Variants in FOLH1 observed in about 807,000 individuals in gnomAD.
FOLH1 encodes the protein glutamate carboxypeptidase 2.
Under a neutral mutation model 93.9 loss-of-function variants are expected in FOLH1, and 54 were observed. That is an observed-to-expected ratio of 0.57 (90% confidence interval 0.46 to 0.72). The LOEUF (loss-of-function observed/expected upper bound fraction) is 0.72. Among genes scored for constraint, FOLH1 ranks in the 30% least tolerant of loss-of-function variants. FOLH1 has a pLI of 0.00. For missense variants in FOLH1, 571 were observed against 892.5 expected, an observed-to-expected ratio of 0.64 and a Z score of 4.59; for synonymous variants, 249 against 303.6, an observed-to-expected ratio of 0.82 and a Z score of 1.87.
At chr11:49,186,166 C>T in intron 5 of FOLH1, 1 of 289,100 alleles carries the variant, frequency 3.5e-6, no homozygotes, top group Non-Finnish European at 5.9e-6. Flanking sequence ...ATTTGTTCTA[C>T]AGTCGAAAGG....
At chr11:49,151,188 A>G (rs1856473269) in intron 17 of FOLH1, among the ~76,000 whole-genome samples, 1 of 152,224 alleles carries the variant, frequency 6.6e-6, no homozygotes, top group Non-Finnish European at 1.5e-5. Context: ...GATTTGAGCT[A>G]TTTTTAACAT....
intron 7 of FOLH1, among the ~76,000 whole-genome samples, chr11:49,182,743 C>G (rs1485453749): frequency 6.6e-6 from 1 of 152,112 alleles, no homozygotes; most frequent in African/African-American, 2.4e-5. Context: ...ATCAAGGAGT[C>G]CCTGGGCCAA....
chr11:49,191,328 C>T (rs1374974352), intron 4 of FOLH1, among the ~76,000 whole-genome samples: 1 of 152,150 alleles, frequency 6.6e-6, no homozygotes, highest in Non-Finnish European at 1.5e-5. Context: ...ACGTTTTAAA[C>T]ACACATATGG....
At chr11:49,149,326 T>C (rs1229318310) in intron 17 of FOLH1, among the ~76,000 whole-genome samples, 1 of 152,162 alleles carries the variant, frequency 6.6e-6, no homozygotes, top group Non-Finnish European at 1.5e-5. Context: ...TCTTGGAGCC[T>C]GATATGACTT....
chr11:49,170,550 C>T (rs781620717), intron 11 of FOLH1, among the ~76,000 whole-genome samples: 8 of 152,118 alleles, frequency 5.3e-5, no homozygotes, highest in South Asian at 2.1e-4. Context: ...GGGATGCTGA[C>T]GCTTCAGTGA....
chr11:49,185,887 T>C, intron 5 of FOLH1, 32 bp from the exon 6 acceptor site: 1 of 1,505,246 alleles, frequency 6.6e-7, no homozygotes, highest in Non-Finnish European at 8.8e-7. Context: ...TTTCCTTATT[T>C]TAAATTGGTT....
chr11:49,154,113 A>T, intron 16 of FOLH1, 115 bp downstream of exon 16: 1 of 1,466,240 alleles, frequency 6.8e-7, no homozygotes, highest in South Asian at 1.4e-5. Flanking sequence ...CATAAACAGA[A>T]TATTGGATCA....
chr11:49,177,021 T>C (rs558550566), intron 7 of FOLH1, among the ~76,000 whole-genome samples: 63 of 152,384 alleles, frequency 4.1e-4, no homozygotes, highest in African/African-American at 1.5e-3. Context: ...TGTCATGTCC[T>C]GTTTTCTTCT....
intron 13 of FOLH1, among the ~76,000 whole-genome samples, chr11:49,160,779 T>C (rs1857610520): frequency 1.3e-5 from 2 of 152,192 alleles, no homozygotes; most frequent in Admixed American, 1.3e-4. Flanking sequence ...TTTAGTGCTA[T>C]AAATTTCCCT....
chr11:49,146,711 G>A lies in FOLH1; in HGVS notation c.*45C>T. 1 of 1,540,156 alleles carries A rather than the reference G, an allele frequency of 6.5e-7. No homozygotes were observed. On this transcript the variant is annotated 3_prime_UTR_variant, in exon 19 of 19. Coordinates refer to ENST00000256999, the MANE Select transcript of FOLH1 (RefSeq NM_004476.3). ...ATATACCCATTACGATTCTTTCTGAGTGACATACCACACAAATTCAATACG... is the reference window on the plus strand; with the variant it reads ...ATATACCCATTACGATTCTTTCTGAATGACATACCACACAAATTCAATACG...
At chr11:49,206,868 T>C in intron 1 of FOLH1, 1 of 1,359,236 alleles carries the variant, frequency 7.4e-7, no homozygotes, top group South Asian at 1.3e-5. Context: ...TGCAGTTGGC[T>C]TTTAACCTGA....
intron 15 of FOLH1, among the ~76,000 whole-genome samples, chr11:49,155,044 G>A (rs1856864274): frequency 6.6e-6 from 1 of 151,990 alleles, no homozygotes. Flanking sequence ...CAGGTGTCAG[G>A]AAAACCAAAA....
intron 12 of FOLH1, among the ~76,000 whole-genome samples, chr11:49,167,042 A>G (rs995246832): frequency 2.3e-4 from 25 of 109,752 alleles, no homozygotes; most frequent in African/African-American, 6.2e-4. Flanking sequence ...AACAACAACA[A>G]CAACAAAAAA....
chr11:49,203,798 T>C (rs1863529004), intron 2 of FOLH1, among the ~76,000 whole-genome samples: 1 of 152,186 alleles, frequency 6.6e-6, no homozygotes, highest in South Asian at 2.1e-4. Flanking sequence ...TACAAGTAGT[T>C]AGACAGGAGC....
At chr11:49,149,115 G>T (rs1365787825) in intron 17 of FOLH1, among the ~76,000 whole-genome samples, 1 of 151,994 alleles carries the variant, frequency 6.6e-6, no homozygotes, top group Non-Finnish European at 1.5e-5. Flanking sequence ...CTGTCGTGGG[G>T]TGGGGTGAGG....
At chr11:49,154,567 G>A in intron 15 of FOLH1, 75 bp from the exon 16 acceptor site, 3 of 1,547,818 alleles carry the variant, frequency 1.9e-6, no homozygotes, top group East Asian at 2.3e-5. Flanking sequence ...TTTACTATTA[G>A]TATTAGTAAG....
At chr11:49,179,632 T>C (rs930164720) in intron 7 of FOLH1, among the ~76,000 whole-genome samples, 25 of 152,154 alleles carry the variant, frequency 1.6e-4, no homozygotes, top group Admixed American at 6.5e-5. Flanking sequence ...TACATAGCTG[T>C]AAACACCTAT....
chr11:49,203,977 G>C (rs1333688993), intron 2 of FOLH1, among the ~76,000 whole-genome samples: 2 of 152,178 alleles, frequency 1.3e-5, no homozygotes, highest in East Asian at 3.9e-4. Context: ...AGACTCCAGG[G>C]AGAAGCAACT....
At chr11:49,191,254 C>T (rs1862000955) in intron 4 of FOLH1, among the ~76,000 whole-genome samples, 1 of 152,166 alleles carries the variant, frequency 6.6e-6, no homozygotes, top group Non-Finnish European at 1.5e-5. Context: ...CCTCTTGATC[C>T]GCCCCCCTCG....
Sources: allele counts gnomAD v4.1 joint callset (sites outside exome capture counted in the v4.1 genomes callset), GRCh38; gene constraint gnomAD v4.1.1; transcripts MANE v1.5; gene names NCBI Gene and HGNC (gene_info 2026-07-23, HGNC 2026-07-21).